TYR: variants seen among roughly 807,000 people sequenced by gnomAD.
TYR encodes the protein LB24-AB.
Under a neutral mutation model 51.5 loss-of-function variants are expected in TYR, and 58 were observed. The ratio of observed to expected loss-of-function variants is 1.13; its 90% CI spans 0.91 to 1.40. The LOEUF is 1.40. TYR is among the 40% of genes most tolerant of loss of function. TYR has a pLI of 0.00. For missense variants in TYR, 732 were observed against 647.4 expected (o/e 1.13, Z -1.42); for synonymous variants, 263 against 235.2 (o/e 1.12, Z -1.08).
Position 89,295,269 on chromosome 11 carries a change from T to C in TYR, c.1493T>C (p.Leu498Ser), listed in dbSNP as rs1311377716. Residue 498 changes from leucine (L) to serine (S), a missense_variant, in exon 5 of 5, where the codon TTG becomes TCG. Physicochemically the swap from Leu to Ser is moderately radical, Grantham distance 145 (BLOSUM62 -2). Transcript: ENST00000263321. ...GCCCTGCTGGCAGGGCTTGTGAGCT[T>C]GCTGTGTCGTCACAAGAGAAAGCAG... ...LTALLAGLVS[L>S]LCRHKRKQLP... 3.1e-6 allele frequency: 5 copies of C among 1,613,906 alleles called. No individual in the cohort carries two copies. The highest frequency in any genetic ancestry group is 3.4e-6 in the Non-Finnish European group (4 of 1,179,834).
At chr11:89,264,951 G>A (rs1207137972) in intron 3 of TYR, among the ~76,000 whole-genome samples, 1 of 151,950 alleles carries the variant, frequency 6.6e-6, no homozygotes, top group African/African-American at 2.4e-5. Flanking sequence ...TATCTTCTCA[G>A]TAAATGATAT....
intron 2 of TYR, among the ~76,000 whole-genome samples, chr11:89,225,404 T>A (rs570022540): frequency 1.3e-5 from 2 of 151,984 alleles, no homozygotes; most frequent in African/African-American, 2.4e-5. Context: ...AAAATTTGTA[T>A]CCTTAGACAT....
chr11:89,178,036 A>C lies in TYR; in HGVS notation c.83A>C (p.Lys28Thr). The C allele has an allele frequency of 6.2e-7, 1 of 1,614,200 alleles. No individual in the cohort carries two copies. The highest frequency in any genetic ancestry group is 2.2e-5 in the East Asian group (1 of 44,874). The change falls in exon 1 of 5, where the codon AAG becomes ACG. Residue 28 changes from lysine to threonine, a missense_variant. By Grantham distance (78) the Lys-to-Thr change is moderately conservative. Coordinates refer to ENST00000263321, the MANE Select transcript of TYR (RefSeq NM_000372.5). ...GHFPRACVSS[K>T]NLMEKECCPP... Reference sequence around the variant, plus strand: ...TTCCCTAGAGCCTGTGTCTCCTCTAAGAACCTGATGGAGAAGGAATGCTGT... The same window carrying C: ...TTCCCTAGAGCCTGTGTCTCCTCTACGAACCTGATGGAGAAGGAATGCTGT...
intron 3 of TYR, among the ~76,000 whole-genome samples, chr11:89,236,101 A>T (rs1944108832): frequency 6.6e-6 from 1 of 152,108 alleles, no homozygotes. Context: ...TTCGGGCTAC[A>T]ATGTCAGAGT....
rs1944112697 is a variant in TYR, at chr11:89,236,274, G to T, written c.1184+8304G>T. On this transcript the variant is annotated intron_variant, in intron 3 of 4. Coordinates refer to ENST00000263321, the MANE Select transcript of TYR (RefSeq NM_000372.5). ...CACACACACCAGACAAGAGAAAGAG[G>T]TTTTTTCTGTAGCCCACCTATATTT... Among the ~76,000 whole-genome samples, 4 of 151,218 alleles carry T rather than the reference G, an allele frequency of 2.6e-5. No homozygotes were observed. In the South Asian group the frequency reaches 8.3e-4, roughly 32 times the overall value.
chr11:89,237,090 CTATT>C (rs1565408178), intron 3 of TYR, among the ~76,000 whole-genome samples: 1 of 152,210 alleles, frequency 6.6e-6, no homozygotes, highest in Admixed American at 6.5e-5. Context: ...CTGCTCTAAT[CTATT>C]AACTCACAGC....
At chr11:89,274,553 A>G (rs1326751842) in intron 3 of TYR, among the ~76,000 whole-genome samples, 1 of 151,890 alleles carries the variant, frequency 6.6e-6, no homozygotes, top group Non-Finnish European at 1.5e-5. Context: ...GATCTCATTT[A>G]TGTCTTACAG....
intron 3 of TYR, among the ~76,000 whole-genome samples, chr11:89,262,926 T>C (rs1590886532): frequency 6.7e-6 from 1 of 148,286 alleles, no homozygotes; most frequent in Middle Eastern, 3.6e-3. Context: ...AATTAATTGA[T>C]TTTCTCACAT....
intron 3 of TYR, among the ~76,000 whole-genome samples, chr11:89,257,191 C>A (rs1055452639): frequency 1.1e-4 from 16 of 151,898 alleles, no homozygotes; most frequent in Admixed American, 1.3e-4. Context: ...CATTCTCAGC[C>A]CCAGTATCCC....
intron 3 of TYR, 83 bp from the exon 4 acceptor site, chr11:89,284,690 T>C (rs1313498437): frequency 1.6e-6 from 2 of 1,214,058 alleles, no homozygotes; most frequent in East Asian, 2.5e-5. Flanking sequence ...TTTTAATATA[T>C]GCCTTATTTT....
At chr11:89,221,029 A>C (rs6483001) in intron 2 of TYR, among the ~76,000 whole-genome samples, 31,067 of 152,176 alleles carry the variant, frequency 0.2, 4,551 homozygotes, top group African/African-American at 0.42. Context: ...AATGACTTAT[A>C]ATTCATTGTG....
intron 3 of TYR, among the ~76,000 whole-genome samples, chr11:89,269,031 A>T (rs1944558807): frequency 3.3e-5 from 5 of 151,838 alleles, no homozygotes. Context: ...TTACCTTAAC[A>T]CTTTTTGTAT....
chr11:89,183,343 G>A (rs982954078), intron 1 of TYR, among the ~76,000 whole-genome samples: 30 of 151,930 alleles, frequency 2.0e-4, no homozygotes, highest in Non-Finnish European at 4.1e-4. Context: ...GAACATCCAG[G>A]CTCAAATTCT....
At chr11:89,185,508 TAAAC>T (rs1265690672) in intron 1 of TYR, among the ~76,000 whole-genome samples, 4 of 152,116 alleles carry the variant, frequency 2.6e-5, no homozygotes, top group Admixed American at 1.3e-4. Flanking sequence ...AGAAAAGAAA[TAAAC>T]AACAATGTGA....
At chr11:89,283,659 TCCC>T (rs1253484450) in intron 3 of TYR, 2 of 151,758 alleles carry the variant, frequency 1.3e-5, no homozygotes, top group Non-Finnish European at 2.9e-5. Context: ...CAAGAAGAGT[TCCC>T]CAACTCCAGC....
chr11:89,205,033 T>A (rs117855902), intron 2 of TYR, among the ~76,000 whole-genome samples: 30 of 151,252 alleles, frequency 2.0e-4, no homozygotes, highest in Non-Finnish European at 4.1e-4. Context: ...TTGAAACAAA[T>A]GAAAAAAATA....
chr11:89,188,498 G>A (rs142806325), intron 1 of TYR, among the ~76,000 whole-genome samples: 1 of 152,166 alleles, frequency 6.6e-6, no homozygotes, highest in Non-Finnish European at 1.5e-5. Context: ...GTTCTCAATG[G>A]AGGAGTGGGA....
intron 3 of TYR, among the ~76,000 whole-genome samples, chr11:89,284,178 A>T (rs763028937): frequency 2.4e-4 from 36 of 151,926 alleles, no homozygotes; most frequent in Middle Eastern, 6.8e-3. Context: ...TGAGTATGTC[A>T]GATTGGCAGA....
intron 2 of TYR, among the ~76,000 whole-genome samples, chr11:89,221,945 C>A (rs2135277441): frequency 6.6e-6 from 1 of 152,298 alleles, no homozygotes; most frequent in East Asian, 1.9e-4. Flanking sequence ...ACTCATCTTC[C>A]TCAAAGGAAA....
Sources: allele counts gnomAD v4.1 joint callset (sites outside exome capture counted in the v4.1 genomes callset), GRCh38; gene constraint gnomAD v4.1.1; transcripts MANE v1.5; gene names NCBI Gene and HGNC (gene_info 2026-07-23, HGNC 2026-07-21).